The following LRRC37A2 variants were observed in gnomAD, a reference collection of about 807,000 sequenced individuals.
LRRC37A2 encodes leucine-rich repeat-containing protein 37A2.
In LRRC37A2, 9 loss-of-function variants were observed where a neutral mutation model predicts 68.8. The observed-to-expected ratio is 0.13, with a 90% CI of 0.08 to 0.23. LRRC37A2 has a LOEUF of 0.23. LRRC37A2 is among the 10% of genes least tolerant of loss of function. LRRC37A2 has a pLI of 1.00. For synonymous variants in LRRC37A2, 63 were observed against 367.6 expected (o/e 0.17, Z 9.48); for missense variants, 168 against 950.4 (o/e 0.18, Z 10.82).
chr17:46,708,750 TC>T, the LRRC37A2 span, among the ~76,000 whole-genome samples: 1 of 147,416 alleles, frequency 6.8e-6, no homozygotes, highest in Non-Finnish European at 1.5e-5. Flanking sequence ...TACCTCAGCC[TC>T]CCAGTGTGCT....
chr17:46,979,142 C>G, the LRRC37A2 span: 3 of 980,538 alleles, frequency 3.1e-6, no homozygotes, highest in Non-Finnish European at 4.1e-6. Flanking sequence ...AGGCGGGAGG[C>G]TGGCTGCCTG....
the LRRC37A2 span, chr17:46,769,853 G>C: frequency 6.2e-7 from 1 of 1,613,466 alleles, no homozygotes; most frequent in East Asian, 2.2e-5. Context: ...GCGCGCATCC[G>C]CGAACTCCCT....
chr17:46,994,948 C>G, the LRRC37A2 span, among the ~76,000 whole-genome samples: 9 of 152,274 alleles, frequency 5.9e-5, no homozygotes, highest in South Asian at 1.9e-3. Context: ...ATGGTGAAAC[C>G]TCGTCTCTAC....
chr17:46,848,566 G>A, the LRRC37A2 span, among the ~76,000 whole-genome samples: 1 of 152,236 alleles, frequency 6.6e-6, no homozygotes, highest in Non-Finnish European at 1.5e-5. Flanking sequence ...CACAATTGCA[G>A]GGATGATCTG....
chr17:46,961,057 A>T, the LRRC37A2 span, among the ~76,000 whole-genome samples: 1 of 152,236 alleles, frequency 6.6e-6, no homozygotes, highest in Non-Finnish European at 1.5e-5. Flanking sequence ...GGAATAAAAT[A>T]CTAGACAAAA....
the LRRC37A2 span, chr17:46,875,081 C>T: frequency 3.1e-6 from 5 of 1,613,382 alleles, no homozygotes; most frequent in African/African-American, 2.7e-5. Context: ...CCTCCCTATG[C>T]CCCTGGGTGC....
chr17:46,988,654 T>G, the LRRC37A2 span, among the ~76,000 whole-genome samples: 1 of 151,974 alleles, frequency 6.6e-6, no homozygotes, highest in Non-Finnish European at 1.5e-5. Flanking sequence ...AAGGTGGAGT[T>G]GAGGGGCTCA....
the LRRC37A2 span, among the ~76,000 whole-genome samples, chr17:46,943,778 C>T: frequency 6.6e-6 from 1 of 152,244 alleles, no homozygotes; most frequent in Non-Finnish European, 1.5e-5. Context: ...ACAGCAATGA[C>T]TGCAGTAAAA....
the LRRC37A2 span, chr17:46,978,964 T>C: frequency 6.9e-7 from 1 of 1,451,050 alleles, no homozygotes; most frequent in Non-Finnish European, 9.0e-7. Context: ...GCCCACGCCG[T>C]CCACCTCCTC....
At chr17:46,942,755 C>G in the LRRC37A2 span, among the ~76,000 whole-genome samples, 2 of 152,230 alleles carry the variant, frequency 1.3e-5, no homozygotes, top group Non-Finnish European at 2.9e-5. Flanking sequence ...AACACACTGC[C>G]TTAGGCCTGC....
the LRRC37A2 span, among the ~76,000 whole-genome samples, chr17:46,803,458 T>C: frequency 1.3e-5 from 2 of 152,238 alleles, no homozygotes; most frequent in South Asian, 4.1e-4. Context: ...CGCTTGAACC[T>C]GGGAGGCAGA....
chr17:46,602,717 A>G, the LRRC37A2 span, among the ~76,000 whole-genome samples: 3 of 145,566 alleles, frequency 2.1e-5, no homozygotes, highest in Non-Finnish European at 4.5e-5. Context: ...GAGTCTTCCA[A>G]TGAACCTCTG....
At chr17:46,896,442 GAAAGAAAGAA>G in the LRRC37A2 span, among the ~76,000 whole-genome samples, 2,242 of 69,388 alleles carry the variant, frequency 0.032, 58 homozygotes, top group African/African-American at 0.12. Flanking sequence ...AAGAAAGAAA[GAAAGAAAGAA>G]AAAGAAAGAA....
the LRRC37A2 span, among the ~76,000 whole-genome samples, chr17:47,013,024 C>A: frequency 6.6e-6 from 1 of 152,102 alleles, no homozygotes; most frequent in Non-Finnish European, 1.5e-5. Flanking sequence ...TATTATTCAA[C>A]CATAGAAAGG....
the LRRC37A2 span, among the ~76,000 whole-genome samples, chr17:46,898,847 G>T: frequency 1.3e-5 from 2 of 152,090 alleles, no homozygotes; most frequent in Non-Finnish European, 2.9e-5. Context: ...TCTGGAAAAC[G>T]GTCTGGCAGT....
the LRRC37A2 span, among the ~76,000 whole-genome samples, chr17:46,977,152 C>T: frequency 1.3e-5 from 2 of 152,186 alleles, no homozygotes; most frequent in Admixed American, 1.3e-4. Context: ...TCCCCCACCC[C>T]ACCTGTGCCA....
the LRRC37A2 span, among the ~76,000 whole-genome samples, chr17:46,888,174 G>C: frequency 6.6e-6 from 1 of 152,182 alleles, no homozygotes; most frequent in South Asian, 2.1e-4. Context: ...TGGCCTAGAG[G>C]ATGTCAGAGA....
the LRRC37A2 span, among the ~76,000 whole-genome samples, chr17:46,934,790 A>G: frequency 6.6e-6 from 1 of 152,198 alleles, no homozygotes; most frequent in Non-Finnish European, 1.5e-5. Context: ...GTTGGAATGA[A>G]CGATACTTGT....
At chr17:46,789,966 C>T in the LRRC37A2 span, among the ~76,000 whole-genome samples, 2 of 152,204 alleles carry the variant, frequency 1.3e-5, no homozygotes, top group African/African-American at 4.8e-5. Flanking sequence ...CCCCCCACGG[C>T]GCTGAGGATG....
Sources: allele counts gnomAD v4.1 joint callset (sites outside exome capture counted in the v4.1 genomes callset), GRCh38; gene constraint gnomAD v4.1.1; transcripts MANE v1.5; gene names NCBI Gene and HGNC (gene_info 2026-07-23, HGNC 2026-07-21).